Variants in DYNLT2B observed in about 807,000 individuals in gnomAD.
The protein encoded by DYNLT2B is dynein light chain Tctex-type 2B.
DYNLT2B carries 14 observed loss-of-function variants against 19.5 expected under a neutral mutation model. The ratio of observed to expected loss-of-function variants is 0.72; its 90% CI spans 0.47 to 1.12. The LOEUF is 1.12. DYNLT2B is among the 50% of genes most tolerant of loss of function. The probability of loss-of-function intolerance (pLI) is 0.00; values close to 1 mark genes in which losing one functional copy is unlikely to be tolerated. For synonymous variants in DYNLT2B, 70 were observed against 59.7 expected (o/e 1.17, Z -0.79); for missense variants, 133 against 174.7 (o/e 0.76, Z 1.35).
At chr3:196,308,316 C>T (rs1008244911) in intron 2 of DYNLT2B, among the ~76,000 whole-genome samples, 11 of 151,946 alleles carry the variant, frequency 7.2e-5, no homozygotes, top group African/African-American at 2.7e-4. Context: ...CCCATCTCCC[C>T]ACACGTCCGA....
At chr3:196,291,436 G>C in intron 4 of DYNLT2B, 62 bp from the exon 5 acceptor site, 102 of 1,493,642 alleles carry the variant, frequency 6.8e-5, no homozygotes, top group Non-Finnish European at 8.5e-5. Flanking sequence ...GGGAATGAGA[G>C]CAGCACAGGC....
intron 3 of DYNLT2B, among the ~76,000 whole-genome samples, chr3:196,304,181 G>C (rs1461805834): frequency 6.6e-6 from 1 of 151,878 alleles, no homozygotes; most frequent in African/African-American, 2.4e-5. Flanking sequence ...TCCCCAGGCT[G>C]GAGTGCAGTG....
chr3:196,306,892 C>T, intron 3 of DYNLT2B, 51 bp downstream of exon 3: 1 of 1,523,646 alleles, frequency 6.6e-7, no homozygotes, highest in Non-Finnish European at 9.1e-7. Context: ...GGACAGATAC[C>T]TCATAAGAAA....
chr3:196,301,643 G>T (rs1409184649), intron 3 of DYNLT2B, among the ~76,000 whole-genome samples: 1 of 152,054 alleles, frequency 6.6e-6, no homozygotes, highest in Non-Finnish European at 1.5e-5. Context: ...AACCTGGAAG[G>T]TGGAGGCTGC....
intron 1 of DYNLT2B, among the ~76,000 whole-genome samples, chr3:196,317,064 TGTGTG>T (rs1726849602): frequency 2.9e-5 from 1 of 33,924 alleles, no homozygotes. Flanking sequence ...GTGTGTGTGG[TGTGTG>T]TGTGTGTGTG....
intron 2 of DYNLT2B, among the ~76,000 whole-genome samples, chr3:196,309,310 G>T (rs1009491792): frequency 6.6e-6 from 1 of 152,038 alleles, no homozygotes; most frequent in Non-Finnish European, 1.5e-5. Flanking sequence ...TTGTTGCCCA[G>T]GCTGAAGTGC....
intron 2 of DYNLT2B, among the ~76,000 whole-genome samples, chr3:196,312,479 GATGGAGTCTCGCTCTGTCGCCC>G (rs1244888448): frequency 6.6e-6 from 1 of 152,040 alleles, no homozygotes; most frequent in African/African-American, 2.4e-5. Flanking sequence ...AGGGGCGGGG[GATGGAGTCTCGCTCTGTCGCCC>G]AGGCTGGAGT....
At chr3:196,300,744 A>AT (rs1356870456) in intron 3 of DYNLT2B, among the ~76,000 whole-genome samples, 1 of 150,410 alleles carries the variant, frequency 6.6e-6, no homozygotes, top group Non-Finnish European at 1.5e-5. Context: ...AAAAAAAAAA[A>AT]AAAAAAAATA....
chr3:196,297,054 G>A (rs895242801), intron 3 of DYNLT2B, among the ~76,000 whole-genome samples: 5 of 151,556 alleles, frequency 3.3e-5, no homozygotes, highest in African/African-American at 4.8e-5. Context: ...TTAGCCAGGC[G>A]TGGCGGCAGG....
Position 196,316,174 on chromosome 3 carries a change from TGCCAGTTCCTCCTTGA to T in DYNLT2B, c.155_170del (p.Leu52GlnfsTer25). The T allele has an allele frequency of 6.2e-7, 1 of 1,613,986 alleles. No individual in the cohort carries two copies. The highest frequency in any genetic ancestry group is 2.2e-5 in the East Asian group (1 of 44,878). ...TTTCTTCTGGAGAATATTCAGCATT[TGCCAGTTCCTCCTTGA>T]GCACAGCATGGATACAGTCTTTAAC... On this transcript the variant is annotated frameshift_variant, in exon 2 of 5. Coordinates refer to ENST00000325318, the MANE Select transcript of DYNLT2B (RefSeq NM_152773.5). LOFTEE classifies it high-confidence loss of function.
intron 2 of DYNLT2B, among the ~76,000 whole-genome samples, chr3:196,311,563 G>A (rs935974574): frequency 1.3e-5 from 2 of 152,074 alleles, no homozygotes; most frequent in Non-Finnish European, 2.9e-5. Context: ...CCTTTATATG[G>A]AAAGAATAAA....
intron 2 of DYNLT2B, among the ~76,000 whole-genome samples, chr3:196,311,207 A>T (rs956415151): frequency 1.3e-5 from 2 of 152,138 alleles, no homozygotes; most frequent in African/African-American, 4.8e-5. Flanking sequence ...AAATGGCAAT[A>T]AAAAAGGAAG....
chr3:196,311,661 T>TTTTATTTATTTATTTA (rs148137456), intron 2 of DYNLT2B, among the ~76,000 whole-genome samples: 29 of 147,558 alleles, frequency 2.0e-4, no homozygotes, highest in African/African-American at 6.7e-4. Context: ...ATGAGGATTA[T>TTTTATTTATTTATTTA]TTTATTTATT....
At chr3:196,299,653 C>T (rs932991270) in intron 3 of DYNLT2B, among the ~76,000 whole-genome samples, 2 of 151,986 alleles carry the variant, frequency 1.3e-5, no homozygotes, top group Admixed American at 1.3e-4. Context: ...GAATTCAGGC[C>T]GGGCACAGTG....
Position 196,318,029 on chromosome 3 carries a change from C to G in DYNLT2B, c.113+11G>C. On this transcript the variant is annotated intron_variant, in intron 1 of 4. Transcript: ENST00000325318. ...TCGAGGTCGCCCCGCCACAGCCCGTCCTCTACCCGCCTCTGCTGGAAAACA... is the reference window on the plus strand; with the variant it reads ...TCGAGGTCGCCCCGCCACAGCCCGTGCTCTACCCGCCTCTGCTGGAAAACA... 6.7e-7 allele frequency: 1 copy of G among 1,493,574 alleles called. No individual in the cohort carries two copies. The allele number at this position is 1,493,574 out of a possible 1,614,324, so 92.5% of individuals were successfully genotyped here. A position where few individuals can be genotyped will look rare whatever the true frequency, so the allele number is the denominator to read the frequency against.
At position 196,307,032 on chromosome 3, in the gene DYNLT2B, T is replaced by C. The variant is rs745917589; in HGVS notation, c.248-20A>G. ...CCATTTCTAGAAAGAAAAAATAAGG[T>C]TATTTATAAGCAAATATGTAGTAAA... is the stretch of plus-strand genomic sequence containing the variant. On this transcript the variant is annotated intron_variant, in intron 2 of 4. Coordinates refer to ENST00000325318, the MANE Select transcript of DYNLT2B (RefSeq NM_152773.5). The C allele has an allele frequency of 6.2e-7, 1 of 1,607,824 alleles. No homozygotes were observed. The highest frequency in any genetic ancestry group is 8.5e-7 in the Non-Finnish European group (1 of 1,175,122).
chr3:196,293,642 A>G (rs1218541270), intron 4 of DYNLT2B, among the ~76,000 whole-genome samples: 1 of 98,290 alleles, frequency 1.0e-5, no homozygotes, highest in Non-Finnish European at 2.2e-5. Context: ...AACAAACAAG[A>G]TGCATTTTTT....
At chr3:196,303,389 G>A (rs920916070) in intron 3 of DYNLT2B, among the ~76,000 whole-genome samples, 12 of 152,112 alleles carry the variant, frequency 7.9e-5, no homozygotes, top group South Asian at 4.1e-4. Flanking sequence ...TCTAGGCAGC[G>A]GGCAAGTGAA....
At chr3:196,311,072 G>C (rs970112094) in intron 2 of DYNLT2B, among the ~76,000 whole-genome samples, 1 of 152,012 alleles carries the variant, frequency 6.6e-6, no homozygotes, top group Non-Finnish European at 1.5e-5. Context: ...GAGATGAAAA[G>C]AAAGACCACG....
Sources: allele counts gnomAD v4.1 joint callset (sites outside exome capture counted in the v4.1 genomes callset), GRCh38; gene constraint gnomAD v4.1.1; transcripts MANE v1.5; gene names NCBI Gene and HGNC (gene_info 2026-07-23, HGNC 2026-07-21).